The following DIP2B variants were observed in gnomAD, a reference collection of about 807,000 sequenced individuals.
DIP2B encodes disco-interacting protein 2 homolog B.
DIP2B carries 76 observed loss-of-function variants against 198.0 expected under a neutral mutation model. The observed-to-expected ratio is 0.38, with a 90% CI of 0.32 to 0.46. The LOEUF (loss-of-function observed/expected upper bound fraction) is 0.46. DIP2B is among the 20% of genes least tolerant of loss of function. The pLI, the probability that DIP2B is intolerant of heterozygous loss-of-function variation, is 0.99. For missense variants in DIP2B, 1,559 were observed against 1,978.4 expected (o/e 0.79, Z 4.02); for synonymous variants, 701 against 739.1 (o/e 0.95, Z 0.84).
intron 11 of DIP2B, 103 bp from the exon 12 acceptor site, chr12:50,686,470 A>G (rs1939132480): frequency 2.1e-6 from 2 of 944,424 alleles, no homozygotes; most frequent in Non-Finnish European, 3.1e-6. Context: ...TTGATTATAA[A>G]ATGATCTTAA....
intron 1 of DIP2B, among the ~76,000 whole-genome samples, chr12:50,583,664 G>T (rs181574964): frequency 5.9e-5 from 9 of 152,280 alleles, no homozygotes; most frequent in Non-Finnish European, 1.3e-4. Flanking sequence ...CACACTTACA[G>T]TTCATGATAT....
chr12:50,734,559 T>C lies in DIP2B; in HGVS notation c.4043+363T>C, dbSNP rs187557095. ...GAGTAGGGTTTTTGAAACAACACTT[T>C]ATCTGAGCCCCATGGGTAAAAGCCT... On this transcript the variant is annotated intron_variant, in intron 33 of 37. Coordinates refer to ENST00000301180, the MANE Select transcript of DIP2B (RefSeq NM_173602.3). Among the ~76,000 whole-genome samples the C allele has an allele frequency of 3.9e-5, 6 of 152,308 alleles. No individual in the cohort carries two copies. The East Asian group carries it at 5.8e-4, about 15-fold the overall frequency.
intron 9 of DIP2B, among the ~76,000 whole-genome samples, chr12:50,682,571 G>A (rs1309033772): frequency 6.9e-6 from 1 of 145,070 alleles, no homozygotes; most frequent in Admixed American, 7.1e-5. Flanking sequence ...GGAGCTTGCA[G>A]TGAGCTGAGA....
chr12:50,598,015 C>T (rs1958892978), intron 1 of DIP2B, among the ~76,000 whole-genome samples: 1 of 152,122 alleles, frequency 6.6e-6, no homozygotes, highest in African/African-American at 2.4e-5. Context: ...CAGGTTGGGT[C>T]CAGAGCAGCC....
At chr12:50,621,531 A>G (rs2139463596) in intron 1 of DIP2B, among the ~76,000 whole-genome samples, 1 of 152,342 alleles carries the variant, frequency 6.6e-6, no homozygotes, top group African/African-American at 2.4e-5. Context: ...TTGTTCAACA[A>G]GCGTCTATTG....
rs772759553 is a variant in DIP2B at position 50,671,214 on chromosome 12, C to G, written c.456C>G (p.Gly152=). 7.4e-6 allele frequency: 12 copies of G among 1,613,986 alleles called. No homozygotes were observed. The African/African-American group carries it at 1.6e-4, about 22-fold the overall frequency. Residue 152 remains glycine (G), a synonymous_variant, in exon 5 of 38, where the codon GGC becomes GGG. Coordinates refer to ENST00000301180, the MANE Select transcript of DIP2B (RefSeq NM_173602.3). The part of the protein sequence containing the change: ...PDTSSASEDE[G]SLRRQAALSA... ...CATCTTCGGCCTCTGAGGATGAGGG[C>G]TCTCTGAGACGCCAAGCTGCGCTCT...
intron 4 of DIP2B, among the ~76,000 whole-genome samples, chr12:50,667,621 T>C (rs901216057): frequency 2.6e-5 from 4 of 152,220 alleles, no homozygotes; most frequent in Admixed American, 6.5e-5. Flanking sequence ...TGACCATAGG[T>C]TGAGTTATTC....
intron 1 of DIP2B, among the ~76,000 whole-genome samples, chr12:50,505,574 G>A (rs539197253): frequency 4.3e-4 from 66 of 152,280 alleles, no homozygotes; most frequent in Admixed American, 9.1e-4. Flanking sequence ...GTGGGGTGAG[G>A]GGTAGGGCTG....
intron 1 of DIP2B, among the ~76,000 whole-genome samples, chr12:50,557,417 C>A (rs928295973): frequency 6.6e-6 from 1 of 152,178 alleles, no homozygotes; most frequent in African/African-American, 2.4e-5. Context: ...CTTGGATGAT[C>A]TCTCCACTTT....
chr12:50,717,903 T>TC (rs1171305036), intron 23 of DIP2B, among the ~76,000 whole-genome samples: 1 of 141,276 alleles, frequency 7.1e-6, no homozygotes, highest in Non-Finnish European at 1.5e-5. Context: ...TCACTTTTTT[T>TC]TTTTTTTTTT....
chr12:50,743,141 G>A lies in DIP2B; in HGVS notation c.4479-1446G>A, dbSNP rs531799263. 2.0e-4 allele frequency among the ~76,000 whole-genome samples: 30 copies of A among 152,150 alleles called. No individual in the cohort carries two copies. The East Asian group carries it at 2.9e-3, about 15-fold the overall frequency. On this transcript the variant is annotated intron_variant, in intron 37 of 37. Coordinates refer to ENST00000301180, the MANE Select transcript of DIP2B (RefSeq NM_173602.3). ...GAGTCTCCCCAGGCTGGAGTGCAGCGGTGCGATCCCGGCTCACTGCAACCT... is the reference window on the plus strand; with the variant it reads ...GAGTCTCCCCAGGCTGGAGTGCAGCAGTGCGATCCCGGCTCACTGCAACCT...
At chr12:50,717,238 C>T (rs1324297142) in intron 23 of DIP2B, among the ~76,000 whole-genome samples, 1 of 151,584 alleles carries the variant, frequency 6.6e-6, no homozygotes, top group African/African-American at 2.4e-5. Flanking sequence ...AGCCACCACG[C>T]CTGGCCTTGC....
intron 1 of DIP2B, among the ~76,000 whole-genome samples, chr12:50,556,278 G>A (rs931863840): frequency 3.3e-5 from 5 of 151,880 alleles, no homozygotes; most frequent in African/African-American, 1.2e-4. Context: ...TCGAACTCCC[G>A]ACCTCGTGAT....
chr12:50,696,486 C>G (rs961453384), intron 16 of DIP2B, among the ~76,000 whole-genome samples: 8 of 152,128 alleles, frequency 5.3e-5, no homozygotes, highest in African/African-American at 1.7e-4. Context: ...TTTGCTCATT[C>G]ATGTATAACC....
intron 15 of DIP2B, 123 bp from the exon 16 acceptor site, chr12:50,695,725 G>A (rs1033423574): frequency 1.4e-5 from 19 of 1,380,644 alleles, no homozygotes; most frequent in Admixed American, 4.4e-5. Context: ...CTTTGAAACC[G>A]TTTTTATCTT....
At chr12:50,552,769 C>A (rs1439037749) in intron 1 of DIP2B, among the ~76,000 whole-genome samples, 2 of 151,984 alleles carry the variant, frequency 1.3e-5, no homozygotes, top group African/African-American at 4.8e-5. Flanking sequence ...ATGTTTTCTT[C>A]TAGGAGTTTA....
chr12:50,522,420 G>A (rs948675426), intron 1 of DIP2B, among the ~76,000 whole-genome samples: 1 of 152,156 alleles, frequency 6.6e-6, no homozygotes, highest in Admixed American at 6.6e-5. Flanking sequence ...GGTACAAGAC[G>A]GGAACCAGCC....
chr12:50,621,866 G>A (rs796094821), intron 1 of DIP2B, among the ~76,000 whole-genome samples: 1 of 152,146 alleles, frequency 6.6e-6, no homozygotes, highest in African/African-American at 2.4e-5. Flanking sequence ...TTCTTTGCTC[G>A]TTTGTGGATC....
chr12:50,727,626 A>T (rs1472578641), intron 28 of DIP2B, 77 bp from the exon 29 acceptor site: 1 of 1,384,578 alleles, frequency 7.2e-7, no homozygotes. Flanking sequence ...ATTTGGCCAT[A>T]GCAAAGCCAC....
Sources: allele counts gnomAD v4.1 joint callset (sites outside exome capture counted in the v4.1 genomes callset), GRCh38; gene constraint gnomAD v4.1.1; transcripts MANE v1.5; gene names NCBI Gene and HGNC (gene_info 2026-07-23, HGNC 2026-07-21).